The following RILPL1 variants were observed in gnomAD, a reference collection of about 807,000 sequenced individuals.
RILPL1 encodes the protein RILP-like protein 1.
In RILPL1, 33 loss-of-function variants were observed where a neutral mutation model predicts 50.3. That is an observed-to-expected ratio of 0.66 (90% CI 0.50 to 0.88). The LOEUF is 0.88. Among genes scored for constraint, RILPL1 ranks in the 40% least tolerant of loss-of-function variants. RILPL1 has a pLI of 0.00. For missense variants in RILPL1, 418 were observed against 542.5 expected (o/e 0.77, Z 2.28); for synonymous variants, 205 against 228.6 (o/e 0.90, Z 0.93).
At chr12:123,475,618 C>G (rs749200027) in intron 6 of RILPL1, 1 of 1,307,718 alleles carries the variant, frequency 7.6e-7, no homozygotes, top group Non-Finnish European at 1.1e-6. Flanking sequence ...GCAGACATTC[C>G]AAGGGGGCAG....
intron 2 of RILPL1, among the ~76,000 whole-genome samples, chr12:123,521,562 T>G (rs1337750203): frequency 3.7e-5 from 2 of 54,742 alleles, no homozygotes; most frequent in Admixed American, 2.4e-4. Flanking sequence ...TGTATATATA[T>G]TAATATATAT....
intron 4 of RILPL1, among the ~76,000 whole-genome samples, chr12:123,488,171 G>C (rs1296223220): frequency 6.6e-6 from 1 of 152,094 alleles, no homozygotes; most frequent in Admixed American, 6.6e-5. Flanking sequence ...CGGCACCGTG[G>C]CTCACACTCC....
At chr12:123,495,500 G>A (rs1231000814) in intron 4 of RILPL1, among the ~76,000 whole-genome samples, 4 of 149,468 alleles carry the variant, frequency 2.7e-5, no homozygotes, top group South Asian at 2.1e-4. Context: ...TCAGCCTCCC[G>A]AGTAGCTGGG....
At chr12:123,527,449 G>C (rs1348453995) in intron 1 of RILPL1, among the ~76,000 whole-genome samples, 2 of 152,028 alleles carry the variant, frequency 1.3e-5, no homozygotes, top group Non-Finnish European at 2.9e-5. Context: ...GACCAGCCTG[G>C]ACAACACAGC....
intron 2 of RILPL1, among the ~76,000 whole-genome samples, chr12:123,521,743 A>ATT (rs1205775502): frequency 7.0e-6 from 1 of 142,186 alleles, no homozygotes; most frequent in Admixed American, 7.5e-5. Context: ...GTATATATAT[A>ATT]AAAATATATA....
intron 2 of RILPL1, among the ~76,000 whole-genome samples, chr12:123,505,508 A>T (rs952433165): frequency 4.6e-5 from 7 of 151,862 alleles, no homozygotes; most frequent in Non-Finnish European, 8.8e-5. Flanking sequence ...AATTTTTTTT[A>T]AGTCTCACTG....
chr12:123,523,740 T>C, intron 1 of RILPL1, 95 bp from the exon 2 acceptor site: 2 of 1,419,646 alleles, frequency 1.4e-6, no homozygotes, highest in African/African-American at 2.9e-5. Context: ...TTGCTGGGAC[T>C]TTGGGCCATC....
rs543579589 is a variant in RILPL1, at chr12:123,510,473, G to A, written c.461-10937C>T. 6.0e-4 allele frequency among the ~76,000 whole-genome samples: 83 copies of A among 138,838 alleles called. 1 individual carries two copies. The highest frequency in any genetic ancestry group is 2.4e-3 in the African/African-American group (82 of 33,818). 91.1% of individuals were successfully genotyped at this position (138,838 alleles called of 152,430 possible). On this transcript the variant is annotated intron_variant, in intron 2 of 6. Coordinates refer to ENST00000376874, the MANE Select transcript of RILPL1 (RefSeq NM_178314.5). ...GTGTGTGAATGTGGGGTCTGTGTGTGTGGGGTATATGTGTGTGATGTGTGT... is the reference window on the plus strand; with the variant it reads ...GTGTGTGAATGTGGGGTCTGTGTGTATGGGGTATATGTGTGTGATGTGTGT...
At chr12:123,475,909 T>C (rs1881560702) in intron 6 of RILPL1, 1 of 520,702 alleles carries the variant, frequency 1.9e-6, no homozygotes, top group East Asian at 3.2e-5. Flanking sequence ...TTTTTTTTTT[T>C]TTTTTTTTTT....
At chr12:123,478,156 C>T (rs1259695282) in intron 6 of RILPL1, among the ~76,000 whole-genome samples, 1 of 151,654 alleles carries the variant, frequency 6.6e-6, no homozygotes. Context: ...GCCACCATGC[C>T]CGGCCAATTA....
At chr12:123,484,121 C>G in intron 6 of RILPL1, 59 bp downstream of exon 6, 1 of 1,151,808 alleles carries the variant, frequency 8.7e-7, no homozygotes, top group Non-Finnish European at 1.3e-6. Flanking sequence ...GAGGAAAAGT[C>G]AAAGGACACG....
chr12:123,513,289 C>T (rs1212229906), intron 2 of RILPL1: 2 of 310,780 alleles, frequency 6.4e-6, no homozygotes, highest in Admixed American at 3.9e-5. Flanking sequence ...AAACTCCTCC[C>T]GACCCCCCGC....
At chr12:123,513,114 C>G (rs1338652312) in intron 2 of RILPL1, among the ~76,000 whole-genome samples, 2 of 127,334 alleles carry the variant, frequency 1.6e-5, no homozygotes, top group African/African-American at 2.8e-5. Context: ...GTGGTGGCGT[C>G]TGTGTGTGTG....
At chr12:123,520,582 A>C (rs9697379) in intron 2 of RILPL1, among the ~76,000 whole-genome samples, 132,003 of 151,836 alleles carry the variant, frequency 0.87, 57,487 homozygotes, top group East Asian at 1. Context: ...AAACAAACAA[A>C]CAAACAAAAA....
intron 6 of RILPL1, 55 bp downstream of exon 6, chr12:123,484,125 G>A: frequency 1.7e-6 from 2 of 1,178,076 alleles, no homozygotes; most frequent in Non-Finnish European, 2.5e-6. Context: ...AAAAGTCAAA[G>A]GACACGTGAA....
Position 123,491,209 on chromosome 12 carries a change from C to T in RILPL1, c.802-5404G>A, listed in dbSNP as rs73216948. 3.9e-5 allele frequency among the ~76,000 whole-genome samples: 6 copies of T among 152,314 alleles called. No homozygotes were observed. The South Asian group carries it at 1.0e-3, about 26-fold the overall frequency. ...AGGAGGCTCTTTCCAAGATGGCAAT[C>T]GAGCTCCATCTGCCGTGGTCCTCCT... On this transcript the variant is annotated intron_variant, in intron 4 of 6. Coordinates refer to ENST00000376874, the MANE Select transcript of RILPL1 (RefSeq NM_178314.5). The surrounding 1 kb of genome is among the most constrained non-coding windows in gnomAD (Gnocchi z 4.0).
chr12:123,475,854 G>T, intron 6 of RILPL1: 1 of 679,804 alleles, frequency 1.5e-6, no homozygotes, highest in Non-Finnish European at 2.6e-6. Flanking sequence ...TAGGGTCTAA[G>T]TTAGCGGTTG....
At chr12:123,502,410 C>T (rs746962046) in intron 2 of RILPL1, among the ~76,000 whole-genome samples, 4 of 152,228 alleles carry the variant, frequency 2.6e-5, no homozygotes, top group African/African-American at 9.6e-5. Flanking sequence ...GGCATGCAAG[C>T]GTGAAAACCC....
chr12:123,472,820 G>T, intron 6 of RILPL1, 138 bp from the exon 7 acceptor site: 1 of 877,134 alleles, frequency 1.1e-6, no homozygotes. Context: ...CAAAGTTGGG[G>T]GTGCAGGTCA....
Sources: gnomAD v4.1 joint callset for allele counts (sites outside exome capture counted in the v4.1 genomes callset) on GRCh38, gnomAD v4.1.1 for gene constraint, Gnocchi (gnomAD v3.1) non-coding constraint, MANE v1.5 for transcripts, NCBI Gene and HGNC (gene_info 2026-07-23, HGNC 2026-07-21) for gene names.